EXD3: variants seen among roughly 807,000 people sequenced by gnomAD.
EXD3 encodes the protein exonuclease 3'-5' domain containing 3.
Under a neutral mutation model 98.0 loss-of-function variants are expected in EXD3, and 92 were observed. The ratio of observed to expected loss-of-function variants is 0.94; its 90% CI spans 0.79 to 1.12. The LOEUF (loss-of-function observed/expected upper bound fraction) is 1.12, where lower values mean the gene tolerates loss of function less well. Among genes scored for constraint, EXD3 ranks in the 50% most tolerant of loss-of-function variants. EXD3 has a pLI of 0.00. For missense variants in EXD3, 1,222 were observed against 1,191.6 expected (o/e 1.03, Z -0.38); for synonymous variants, 569 against 526.0 (o/e 1.08, Z -1.12).
chr9:137,371,464 C>T lies in EXD3; in HGVS notation c.462+1441G>A, dbSNP rs1835598322. On this transcript the variant is annotated intron_variant, in intron 5 of 21. Transcript: ENST00000340951. The surrounding 1 kb of genome is among the most constrained non-coding windows in gnomAD (Gnocchi z 8.0). Reference sequence around the variant, plus strand: ...TGCCCGTGCCCAGGTTCCAATGCACCTCCTCACGGTGAGGGGTCTTGCTGG... The same window carrying T: ...TGCCCGTGCCCAGGTTCCAATGCACTTCCTCACGGTGAGGGGTCTTGCTGG... Among the ~76,000 whole-genome samples, 2 of 152,168 alleles carry T rather than the reference C, an allele frequency of 1.3e-5. No individual in the cohort carries two copies. Among genetic ancestry groups the T allele is most frequent in the African/African-American group, 4.8e-5 (2 of 41,438 alleles).
chr9:137,380,085 A>T (rs1324275469), intron 3 of EXD3, among the ~76,000 whole-genome samples: 1 of 150,382 alleles, frequency 6.6e-6, no homozygotes, highest in Non-Finnish European at 1.5e-5. Context: ...ACGTGCCAAG[A>T]CCCTTGGGAC....
chr9:137,319,200 G>A (rs925079540), intron 19 of EXD3, among the ~76,000 whole-genome samples: 1 of 152,228 alleles, frequency 6.6e-6, no homozygotes, highest in Non-Finnish European at 1.5e-5. Context: ...TGAGCGTGCC[G>A]CTCTCTGCTG....
At position 137,395,889 on chromosome 9, in the gene EXD3, C is replaced by T. The variant is rs144639853; in HGVS notation, c.-47-485G>A. 5.3e-3 allele frequency among the ~76,000 whole-genome samples: 814 copies of T among 152,250 alleles called. 9 individuals are homozygous for T. Among genetic ancestry groups the T allele is most frequent in the South Asian group, 0.041 (197 of 4,826 alleles). ...ACCCAGTACGCAGCTCCGTAAGACT[C>T]CAGGCGGCCGCTGACAGCTCTCATC... On this transcript the variant is annotated intron_variant, in intron 1 of 21. Coordinates refer to ENST00000340951, the MANE Select transcript of EXD3 (RefSeq NM_017820.5). The surrounding 1 kb of genome is among the most constrained non-coding windows in gnomAD (Gnocchi z 6.5).
At chr9:137,339,218 G>A (rs1458807589) in intron 17 of EXD3, among the ~76,000 whole-genome samples, 1 of 152,078 alleles carries the variant, frequency 6.6e-6, no homozygotes, top group African/African-American at 2.4e-5. Context: ...CACAGGAAGT[G>A]AGCCAGTTTC....
intron 17 of EXD3, among the ~76,000 whole-genome samples, chr9:137,328,506 G>A (rs1188016125): frequency 7.4e-6 from 1 of 135,122 alleles, no homozygotes; most frequent in Non-Finnish European, 1.6e-5. Context: ...AAACACAACT[G>A]GTAAATAAAG....
rs1373298110 is a variant in EXD3, at chr9:137,351,381, C to T, written c.1321G>A (p.Gly441Arg). The T allele has an allele frequency of 1.2e-6, 2 of 1,611,292 alleles. No individual in the cohort carries two copies. Among genetic ancestry groups the T allele is most frequent in the Admixed American group, 1.7e-5 (1 of 59,786 alleles). The change falls in exon 13 of 22, where the codon GGA becomes AGA. Residue 441 changes from glycine to arginine, a missense_variant. Transcript: ENST00000340951. ...LALSQPPTGQ[G>R]AQAFSRLVAQ... ...ACCAGCCGGGAAAAGGCCTGGGCTC[C>T]CTGCCCTGTTGGTGGCTGCGAGAGT...
Position 137,347,928 on chromosome 9 carries a change from C to T in EXD3, c.1998+143G>A. On this transcript the variant is annotated intron_variant, in intron 17 of 21. Coordinates refer to ENST00000340951, the MANE Select transcript of EXD3 (RefSeq NM_017820.5). This position sits in a 1 kb window ranked among gnomAD's most constrained non-coding sequence, Gnocchi z 4.2. ...CCCCAACCGCTCCATCCTTGGCCAC[C>T]CCGTCCTGTTCCCAGAGCCTGCCTG... 2 of 1,032,288 alleles carry T rather than the reference C, an allele frequency of 1.9e-6. No homozygotes were observed. Among genetic ancestry groups the T allele is most frequent in the Non-Finnish European group, 2.8e-6 (2 of 723,820 alleles). 63.9% of individuals were successfully genotyped at this position (1,032,288 alleles called of 1,614,324 possible).
rs369408328 is a variant in EXD3 at position 137,307,668 on chromosome 9, T to C, written c.2279-22A>G. On this transcript the variant is annotated intron_variant, in intron 20 of 21. Transcript: ENST00000340951. ...TCACCTGTCAGTCAAGGAAGAGAGC[T>C]GGTCCGGGACTGTCCTAGGGATGGG... 2.1e-4 allele frequency: 343 copies of C among 1,607,872 alleles called. 1 individual carries two copies. In the African/African-American group the frequency reaches 3.9e-3, roughly 18 times the overall value.
intron 19 of EXD3, among the ~76,000 whole-genome samples, chr9:137,322,397 C>T (rs796492729): frequency 2.6e-5 from 3 of 115,320 alleles, no homozygotes; most frequent in East Asian, 3.0e-4. Flanking sequence ...TCTCTGCCAA[C>T]ATCTCACCCC....
intron 19 of EXD3, among the ~76,000 whole-genome samples, chr9:137,319,198 C>T (rs1208929169): frequency 6.6e-6 from 1 of 152,256 alleles, no homozygotes; most frequent in Admixed American, 6.5e-5. Context: ...CCTGAGCGTG[C>T]CGCTCTCTGC....
chr9:137,411,835 C>T (rs1388803875), intron 1 of EXD3, among the ~76,000 whole-genome samples: 1 of 152,276 alleles, frequency 6.6e-6, no homozygotes, highest in African/African-American at 2.4e-5. Flanking sequence ...TCACCCAAGA[C>T]GGACTGGAAG....
chr9:137,375,939 G>A (rs1835876312), intron 3 of EXD3, among the ~76,000 whole-genome samples: 1 of 152,136 alleles, frequency 6.6e-6, no homozygotes, highest in Non-Finnish European at 1.5e-5. Context: ...ACGGGACATC[G>A]ATTTGGGAAT....
At chr9:137,307,519 CG>C in intron 21 of EXD3, 88 bp downstream of exon 21, 1 of 1,521,774 alleles carries the variant, frequency 6.6e-7, no homozygotes. Flanking sequence ...TCTGCCCGGC[CG>C]GGACCCAAGT....
chr9:137,331,430 C>T (rs1402460094), intron 17 of EXD3, among the ~76,000 whole-genome samples: 1 of 152,070 alleles, frequency 6.6e-6, no homozygotes, highest in Non-Finnish European at 1.5e-5. Flanking sequence ...TCAGGAAAGA[C>T]AAGAAAGAGA....
At chr9:137,352,518 T>G in intron 11 of EXD3, 102 bp downstream of exon 11, 1 of 1,194,788 alleles carries the variant, frequency 8.4e-7, no homozygotes. Context: ...GATTTCTAAT[T>G]CTCAAGCCAC....
chr9:137,345,431 G>A (rs1171249841), intron 17 of EXD3, among the ~76,000 whole-genome samples: 1 of 152,160 alleles, frequency 6.6e-6, no homozygotes, highest in African/African-American at 2.4e-5. Flanking sequence ...GGAGGCCGAG[G>A]TGGGCAGATC....
chr9:137,323,697 C>T (rs1449482621), intron 19 of EXD3, 28 bp downstream of exon 19: 2 of 1,607,608 alleles, frequency 1.2e-6, no homozygotes, highest in Admixed American at 1.7e-5. Flanking sequence ...GTGCCAGCCC[C>T]AGGTAGGACG....
intron 17 of EXD3, among the ~76,000 whole-genome samples, chr9:137,344,556 G>C (rs1312591109): frequency 6.6e-6 from 1 of 152,162 alleles, no homozygotes; most frequent in African/African-American, 2.4e-5. Context: ...GTTTGCTTTC[G>C]AAGACTGTTT....
At chr9:137,367,738 C>A (rs961361762) in intron 6 of EXD3, 198 bp downstream of exon 6, 12 of 560,880 alleles carry the variant, frequency 2.1e-5, no homozygotes, top group Non-Finnish European at 3.5e-5. Flanking sequence ...CGTGTACGTG[C>A]GGCTGCGTCT....
Sources: gnomAD v4.1 joint callset for allele counts (sites outside exome capture counted in the v4.1 genomes callset) on GRCh38, gnomAD v4.1.1 for gene constraint, Gnocchi (gnomAD v3.1) non-coding constraint, MANE v1.5 for transcripts, NCBI Gene and HGNC (gene_info 2026-07-23, HGNC 2026-07-21) for gene names.